Variants in ABHD4 observed in about 807,000 individuals in gnomAD.
The protein encoded by ABHD4 is abhydrolase domain containing 4, N-acyl phospholipase B.
ABHD4 carries 35 observed loss-of-function variants against 42.3 expected under a neutral mutation model. That is an observed-to-expected ratio of 0.83 (90% CI 0.63 to 1.10). ABHD4 has a LOEUF of 1.10. Among genes scored for constraint, ABHD4 ranks in the 50% least tolerant of loss-of-function variants. ABHD4 has a pLI of 0.00. For missense variants in ABHD4, 389 were observed against 454.8 expected (o/e 0.86, Z 1.32); for synonymous variants, 169 against 170.6 (o/e 0.99, Z 0.07).
At chr14:22,610,426 C>T (rs954900794) in intron 6 of ABHD4, among the ~76,000 whole-genome samples, 5 of 152,144 alleles carry the variant, frequency 3.3e-5, no homozygotes, top group Admixed American at 1.3e-4. Flanking sequence ...ACTCCAGCCC[C>T]CATGTAGTTT....
At chr14:22,606,862 C>T (rs1350777889) in intron 5 of ABHD4, among the ~76,000 whole-genome samples, 1 of 152,038 alleles carries the variant, frequency 6.6e-6, no homozygotes, top group African/African-American at 2.4e-5. Context: ...TTGATACAAA[C>T]ATGGTATTTT....
At position 22,609,919 on chromosome 14, in the gene ABHD4, C is replaced by T; in HGVS notation, c.939+9C>T. The T allele has an allele frequency of 6.2e-7, 1 of 1,612,830 alleles. No homozygotes were observed. Among genetic ancestry groups the T allele is most frequent in the South Asian group, 1.1e-5 (1 of 90,974 alleles). ...CCTATGTCCGAGACATGGTATGTTG[C>T]ACCACCCAAGGAGTGGAAATGATGA... On this transcript the variant is annotated intron_variant, in intron 6 of 6. Transcript: ENST00000428304.
In ABHD4 at chr14:22,598,464, G is replaced by A. The variant is rs541835207; in HGVS notation, c.23+135G>A. On this transcript the variant is annotated intron_variant, in intron 1 of 6. Coordinates refer to ENST00000428304, the MANE Select transcript of ABHD4 (RefSeq NM_022060.3). ...CCAGGTCGGCCTCCGGGGAGGGCGGGGGGTGGGTGCGTTGCTTGCTTTGCA... is the reference window on the plus strand; with the variant it reads ...CCAGGTCGGCCTCCGGGGAGGGCGGAGGGTGGGTGCGTTGCTTGCTTTGCA... The A allele has an allele frequency of 1.9e-6, 3 of 1,539,012 alleles. No individual in the cohort carries two copies. The South Asian group carries it at 3.6e-5, about 18-fold the overall frequency.
At chr14:22,601,400 G>A (rs1279608674) in intron 1 of ABHD4, among the ~76,000 whole-genome samples, 2 of 152,194 alleles carry the variant, frequency 1.3e-5, no homozygotes, top group East Asian at 3.8e-4. Context: ...GATAATAAAT[G>A]TGACAGAGCT....
chr14:22,603,376 TC>T lies in ABHD4; in HGVS notation c.113-13del. Reference sequence around the variant, plus strand: ...AACACTTATTGACTTACCATGGGATTCTTTCCTCCCCAGGTCTCCAGAATAA... The same window carrying T: ...AACACTTATTGACTTACCATGGGATTTTTCCTCCCCAGGTCTCCAGAATAA... On this transcript the variant is annotated splice_polypyrimidine_tract_variant and intron_variant, in intron 2 of 6. Coordinates refer to ENST00000428304, the MANE Select transcript of ABHD4 (RefSeq NM_022060.3). The T allele has an allele frequency of 2.5e-6, 4 of 1,614,044 alleles. No individual in the cohort carries two copies. The highest frequency in any genetic ancestry group is 3.4e-6 in the Non-Finnish European group (4 of 1,179,972).
At chr14:22,605,725 C>T (rs2037341686) in intron 4 of ABHD4, 1 of 886,984 alleles carries the variant, frequency 1.1e-6, no homozygotes, top group Non-Finnish European at 1.6e-6. Context: ...CAGGCCCATG[C>T]AGATCCTCAT....
chr14:22,610,802 G>C, intron 6 of ABHD4, 57 bp from the exon 7 acceptor site: 1 of 1,406,128 alleles, frequency 7.1e-7, no homozygotes, highest in South Asian at 1.2e-5. Context: ...TAGCGTGAAG[G>C]CTTCCCAGCA....
chr14:22,606,396 G>A (rs1204105229), intron 4 of ABHD4, 26 bp from the exon 5 acceptor site: 3 of 1,573,866 alleles, frequency 1.9e-6, no homozygotes, highest in East Asian at 4.5e-5. Flanking sequence ...AAATTGGCCT[G>A]TCTGTGTTTT....
chr14:22,610,299 C>T (rs867247415), intron 6 of ABHD4, among the ~76,000 whole-genome samples: 1 of 152,118 alleles, frequency 6.6e-6, no homozygotes, highest in African/African-American at 2.4e-5. Context: ...TCACGTGATC[C>T]GCCCACCTTG....
At position 22,612,173 on chromosome 14, in the gene ABHD4, G is replaced by A. The variant is rs1420829412; in HGVS notation, c.*1225G>A. ...ACCCATCTGTCAGCTTTTTCCCAGG[G>A]AGCCGTTTCAGGGGTTCTGGGCAGT... is the stretch of plus-strand genomic sequence containing the variant. On this transcript the variant is annotated 3_prime_UTR_variant, in exon 7 of 7. Transcript: ENST00000428304. 2 of 152,670 alleles carry A rather than the reference G, an allele frequency of 1.3e-5. No individual in the cohort carries two copies. The highest frequency in any genetic ancestry group is 2.4e-5 in the African/African-American group (1 of 41,438). The allele number at this position is 152,670 out of a possible 1,614,324, so 9.5% of individuals were successfully genotyped here.
chr14:22,609,765 G>A lies in ABHD4; in HGVS notation c.794G>A (p.Trp265Ter). The change falls in exon 6 of 7, where the codon TGG (tryptophan) becomes TAG (stop). Residue 265 changes from tryptophan to a stop codon, truncating the protein, a stop_gained. Coordinates refer to ENST00000428304, the MANE Select transcript of ABHD4 (RefSeq NM_022060.3). LOFTEE classifies it high-confidence loss of function. ...AFKAMMESFG[W>*]ARRPMLERIH... ...AAAGCCATGATGGAGTCCTTTGGCT[G>A]GGCCCGGCGCCCTATGCTGGAGCGA... The A allele has an allele frequency of 1.9e-6, 3 of 1,614,134 alleles. No homozygotes were observed. The highest frequency in any genetic ancestry group is 1.1e-5 in the South Asian group (1 of 91,080).
Position 22,601,594 on chromosome 14 carries a change from C to T in ABHD4, c.24-73C>T. On this transcript the variant is annotated intron_variant, in intron 1 of 6. Coordinates refer to ENST00000428304, the MANE Select transcript of ABHD4 (RefSeq NM_022060.3). ...CTGCTTCCTGAGAACTCTTTTGTAA[C>T]TCTCAGCAAGGCTAAGAGCATCAAT... The T allele has an allele frequency of 4.2e-6, 6 of 1,432,226 alleles. No homozygotes were observed. The Admixed American group carries it at 6.7e-5, about 16-fold the overall frequency. 88.7% of individuals were successfully genotyped at this position (1,432,226 alleles called of 1,614,324 possible).
At chr14:22,608,659 C>A (rs542812751) in intron 5 of ABHD4, among the ~76,000 whole-genome samples, 4 of 152,310 alleles carry the variant, frequency 2.6e-5, no homozygotes, top group African/African-American at 9.6e-5. Context: ...AGCACTCGAC[C>A]ACCTTTTCAT....
Position 22,609,768 on chromosome 14 carries a change from C to T in ABHD4, c.797C>T (p.Ala266Val), listed in dbSNP as rs1277154556. ...GCCATGATGGAGTCCTTTGGCTGGGCCCGGCGCCCTATGCTGGAGCGAATT... is the reference window on the plus strand; with the variant it reads ...GCCATGATGGAGTCCTTTGGCTGGGTCCGGCGCCCTATGCTGGAGCGAATT... ...FKAMMESFGWARRPMLERIHL... is the reference protein window; with the variant it reads ...FKAMMESFGWVRRPMLERIHL... Residue 266 changes from alanine to valine, a missense_variant, in exon 6 of 7, where the codon GCC becomes GTC. This residue lies in a region of ABHD4 where 249 missense variants were observed against 254.4 expected (regional missense o/e 0.98). Transcript: ENST00000428304. 1 of 1,614,122 alleles carries T rather than the reference C, an allele frequency of 6.2e-7. No homozygotes were observed. The highest frequency in any genetic ancestry group is 8.5e-7 in the Non-Finnish European group (1 of 1,180,020).
chr14:22,602,807 T>G (rs529742488), intron 2 of ABHD4, among the ~76,000 whole-genome samples: 1 of 152,214 alleles, frequency 6.6e-6, no homozygotes, highest in Non-Finnish European at 1.5e-5. Flanking sequence ...AAAAAGTGAT[T>G]CTGACAGATT....
At chr14:22,600,205 T>G (rs1235946672) in intron 1 of ABHD4, 1 of 455,762 alleles carries the variant, frequency 2.2e-6, no homozygotes, top group Admixed American at 2.3e-5. Context: ...TAAGTGACAG[T>G]GCTAAAATTG....
chr14:22,606,397 T>C, intron 4 of ABHD4, 25 bp from the exon 5 acceptor site: 1 of 1,577,322 alleles, frequency 6.3e-7, no homozygotes. Flanking sequence ...AATTGGCCTG[T>C]CTGTGTTTTT....
At chr14:22,605,494 G>C (rs2037338869) in intron 4 of ABHD4, among the ~76,000 whole-genome samples, 1 of 152,212 alleles carries the variant, frequency 6.6e-6, no homozygotes, top group African/African-American at 2.4e-5. Flanking sequence ...TTCTGAGAGA[G>C]AGGAAGGATA....
intron 3 of ABHD4, 52 bp downstream of exon 3, chr14:22,603,814 GA>G: frequency 6.4e-7 from 1 of 1,570,054 alleles, no homozygotes; most frequent in Non-Finnish European, 8.7e-7. Flanking sequence ...GCCTTACTGG[GA>G]ACTTTCCAGT....
Sources: allele counts gnomAD v4.1 joint callset (sites outside exome capture counted in the v4.1 genomes callset), GRCh38; gene constraint gnomAD v4.1.1; regional missense constraint gnomAD v4.1.1; transcripts MANE v1.5; gene names NCBI Gene and HGNC (gene_info 2026-07-23, HGNC 2026-07-21).